Variants in HSPB6 observed in about 807,000 individuals in gnomAD.
HSPB6 encodes heat shock protein family B (small) member 6.
Under a neutral mutation model 10.7 loss-of-function variants are expected in HSPB6, and 8 were observed. That is an observed-to-expected ratio of 0.75 (90% confidence interval 0.44 to 1.35). The LOEUF (loss-of-function observed/expected upper bound fraction) is 1.35, where lower values mean the gene tolerates loss of function less well. Among genes scored for constraint, HSPB6 ranks in the 40% most tolerant of loss-of-function variants. The pLI, the probability that HSPB6 is intolerant of heterozygous loss-of-function variation, is 0.00. For missense variants in HSPB6, 232 were observed against 236.0 expected, an observed-to-expected ratio of 0.98 and a Z score of 0.11; for synonymous variants, 128 against 114.2, an observed-to-expected ratio of 1.12 and a Z score of -0.77.
At chr19:35,755,940 GCTCCAGGACCCACCC>G in intron 1 of HSPB6, 46 bp from the exon 2 acceptor site, 1 of 1,538,056 alleles carries the variant, frequency 6.5e-7, no homozygotes, top group Non-Finnish European at 8.8e-7. Flanking sequence ...GCTGGGCCAG[GCTCCAGGACCCACCC>G]AGGGAGACCC....
In HSPB6 at chr19:35,756,832, G is replaced by A. The variant is rs1005618052; in HGVS notation, c.177C>T (p.Ser59=). The A allele has an allele frequency of 5.2e-6, 8 of 1,536,628 alleles. No homozygotes were observed. The highest frequency in any genetic ancestry group is 7.0e-6 in the Non-Finnish European group (8 of 1,146,582). The stretch of plus-strand genomic sequence containing the variant: ...GCACCTGGGCGACGGGCAGCGCCAC[G>A]CTGGGTGCGCGCAGGTAGTAGGGGG... ...TLAPYYLRAP[S]VALPVAQVPT... The change falls in exon 1 of 3, where the codon AGC becomes AGT. Residue 59 remains serine (S), a synonymous_variant. Coordinates refer to ENST00000004982, the MANE Select transcript of HSPB6 (RefSeq NM_144617.3).
At chr19:35,756,773 T>C in intron 1 of HSPB6, 38 bp downstream of exon 1, 2 of 1,529,896 alleles carry the variant, frequency 1.3e-6, no homozygotes, top group South Asian at 2.4e-5. Flanking sequence ...CCCCTGGCAA[T>C]GGAAGTGGTC....
At chr19:35,756,208 T>TGCC (rs1970752281) in intron 1 of HSPB6, among the ~76,000 whole-genome samples, 1 of 151,760 alleles carries the variant, frequency 6.6e-6, no homozygotes, top group Non-Finnish European at 1.5e-5. Flanking sequence ...GGGCACTGAT[T>TGCC]CCCCAGCTCC....
Position 35,755,792 on chromosome 19 carries a change from C to G in HSPB6, c.301G>C (p.Ala101Pro). 1 of 1,592,006 alleles carries G rather than the reference C, an allele frequency of 6.3e-7. No individual in the cohort carries two copies. Among genetic ancestry groups the G allele is most frequent in the Non-Finnish European group, 8.5e-7 (1 of 1,170,664 alleles). Reference sequence around the variant, plus strand: ...CTCACCGGGCGCTCCTCGTGGCGCGCGTGCACCTCCACGTGTTCGCCCACC... The same window carrying G: ...CTCACCGGGCGCTCCTCGTGGCGCGGGTGCACCTCCACGTGTTCGCCCACC... ...KVVGEHVEVH[A>P]RHEERPDEHG... Residue 101 changes from alanine (A) to proline (P), a missense_variant, in exon 2 of 3, where the codon GCG (alanine) becomes CCG (proline). Physicochemically the swap from Ala to Pro is conservative, Grantham distance 27 (BLOSUM62 -1). Transcript: ENST00000004982.
intron 1 of HSPB6, 102 bp downstream of exon 1, chr19:35,756,709 C>A: frequency 2.4e-6 from 3 of 1,264,248 alleles, no homozygotes; most frequent in Non-Finnish European, 2.2e-6. Flanking sequence ...CTCTCCACCC[C>A]GCCCAAGGCC....
At position 35,755,682 on chromosome 19, in the gene HSPB6, T is replaced by C. The variant is rs1263686703; in HGVS notation, c.323A>G (p.Asp108Gly). 1 of 1,534,200 alleles carries C rather than the reference T, an allele frequency of 6.5e-7. No individual in the cohort carries two copies. Among genetic ancestry groups the C allele is most frequent in the Admixed American group, 2.0e-5 (1 of 50,322 alleles). ...CTCGCGCGCGACGAATCCGTGCTCATCCTGGAGGGGAGGGAGGCTTGAGCG... is the reference window on the plus strand; with the variant it reads ...CTCGCGCGCGACGAATCCGTGCTCACCCTGGAGGGGAGGGAGGCTTGAGCG... ...EVHARHEERP[D>G]EHGFVAREFH... is the part of the protein sequence containing the mutation. The change falls in exon 3 of 3, where the codon GAT becomes GGT. Residue 108 changes from aspartate to glycine, a missense_variant and splice_region_variant. Asp to Gly is a moderately conservative substitution (Grantham distance 94). Transcript: ENST00000004982.
Position 35,755,900 on chromosome 19 carries a change from C to G in HSPB6, c.199-6G>C, listed in dbSNP as rs759583067. On this transcript the variant is annotated splice_region_variant and splice_polypyrimidine_tract_variant and intron_variant, in intron 1 of 2. Coordinates refer to ENST00000004982, the MANE Select transcript of HSPB6 (RefSeq NM_144617.3). ...TGGCCGGGGTCCGTCGGCACCTGAG[C>G]GCAGCGGGCGCGGGCGGGACTGTCA... is the stretch of plus-strand genomic sequence containing the variant. The G allele has an allele frequency of 1.3e-6, 2 of 1,557,738 alleles. No homozygotes were observed. Among genetic ancestry groups the G allele is most frequent in the Non-Finnish European group, 1.7e-6 (2 of 1,152,218 alleles).
chr19:35,756,885 G>A lies in HSPB6; in HGVS notation c.124C>T (p.Leu42=), dbSNP rs1970769373. ...AGCGTGGTGGGGCAGAGCGCAGCCA[G>A]CTCGGCCTCCAGCAGCCCCTCGCCG... is the stretch of plus-strand genomic sequence containing the variant. ...RFGEGLLEAE[L]AALCPTTLAP... The change falls in exon 1 of 3, where the codon CTG becomes TTG. Residue 42 remains leucine, a synonymous_variant. Coordinates refer to ENST00000004982, the MANE Select transcript of HSPB6 (RefSeq NM_144617.3). 1.3e-6 allele frequency: 2 copies of A among 1,537,828 alleles called. No individual in the cohort carries two copies. Among genetic ancestry groups the A allele is most frequent in the Non-Finnish European group, 1.7e-6 (2 of 1,145,752 alleles).
Position 35,757,000 on chromosome 19 carries a change from G to A in HSPB6, c.9C>T (p.Ile3=), listed in dbSNP as rs554865322. ME[I]PVPVQPSWLR... is the part of the protein sequence containing the mutation. Reference sequence around the variant, plus strand: ...GCCAAGACGGCTGCACAGGCACAGGGATCTCCATCCTGCTCCTCCGCGTTG... The same window carrying A: ...GCCAAGACGGCTGCACAGGCACAGGAATCTCCATCCTGCTCCTCCGCGTTG... Residue 3 remains isoleucine (I), a synonymous_variant, in exon 1 of 3, where the codon ATC becomes ATT. Coordinates refer to ENST00000004982, the MANE Select transcript of HSPB6 (RefSeq NM_144617.3). 5 of 1,546,094 alleles carry A rather than the reference G, an allele frequency of 3.2e-6. No individual in the cohort carries two copies. The Admixed American group carries it at 5.9e-5, about 18-fold the overall frequency.
At position 35,754,607 on chromosome 19, in the gene HSPB6, GAA is replaced by G. The variant is rs1217499932; in HGVS notation, c.*913_*914del. Reference sequence around the variant, plus strand: ...ACATTTATTGGGAGAGTAAGCCTGGGAAAGACTAAGGGAGTGGTGGCAGGGAG... The same window carrying G: ...ACATTTATTGGGAGAGTAAGCCTGGGAGACTAAGGGAGTGGTGGCAGGGAG... On this transcript the variant is annotated 3_prime_UTR_variant, in exon 3 of 3. Coordinates refer to ENST00000004982, the MANE Select transcript of HSPB6 (RefSeq NM_144617.3). 1.2e-6 allele frequency: 1 copy of G among 826,086 alleles called. No homozygotes were observed. The highest frequency in any genetic ancestry group is 2.1e-5 in the Admixed American group (1 of 48,594). 51.2% of individuals were successfully genotyped at this position (826,086 alleles called of 1,614,324 possible). A position where few individuals can be genotyped will look rare whatever the true frequency, so the allele number is the denominator to read the frequency against.
chr19:35,756,648 T>C (rs1376227059), intron 1 of HSPB6, among the ~76,000 whole-genome samples, 163 bp downstream of exon 1: 1 of 151,256 alleles, frequency 6.6e-6, no homozygotes, highest in Non-Finnish European at 1.5e-5. Flanking sequence ...CCCGCTGCAG[T>C]GTGCGGGCCT....
chr19:35,755,542 G>A lies in HSPB6; in HGVS notation c.463C>T (p.Pro155Ser). 2.6e-6 allele frequency: 4 copies of A among 1,519,182 alleles called. No homozygotes were observed. Among genetic ancestry groups the A allele is most frequent in the South Asian group, 1.2e-5 (1 of 82,370 alleles). 94.1% of individuals were successfully genotyped at this position (1,519,182 alleles called of 1,614,324 possible). A position where few individuals can be genotyped will look rare whatever the true frequency, so the allele number is the denominator to read the frequency against. The change falls in exon 3 of 3, where the codon CCG (proline) becomes TCG (serine). Residue 155 changes from proline to serine, a missense_variant. Coordinates refer to ENST00000004982, the MANE Select transcript of HSPB6 (RefSeq NM_144617.3). ...CCCTCCTACTTGGCTGCGGCTGGCG[G>A]TGGGGCCTGGGCCGACGCTGGTGCG... is the stretch of plus-strand genomic sequence containing the variant. ...QAAPASAQAP[P>S]PAAAK is the part of the protein sequence containing the mutation.
intron 1 of HSPB6, 45 bp downstream of exon 1, chr19:35,756,766 C>T (rs994019348): frequency 1.3e-6 from 2 of 1,527,130 alleles, no homozygotes; most frequent in Admixed American, 2.0e-5. Flanking sequence ...CCCCAGACCC[C>T]TGGCAATGGA....
rs1241035963 is a variant in HSPB6 at position 35,755,696 on chromosome 19, G to T, written c.322-13C>A. 1 of 1,531,702 alleles carries T rather than the reference G, an allele frequency of 6.5e-7. No homozygotes were observed. Among genetic ancestry groups the T allele is most frequent in the Non-Finnish European group, 8.8e-7 (1 of 1,140,844 alleles). The allele number at this position is 1,531,702 out of a possible 1,614,324, so 94.9% of individuals were successfully genotyped here. ...ATCCGTGCTCATCCTGGAGGGGAGG[G>T]AGGCTTGAGCGGCCCCGCCCCTCCG... On this transcript the variant is annotated splice_polypyrimidine_tract_variant and intron_variant, in intron 2 of 2. Coordinates refer to ENST00000004982, the MANE Select transcript of HSPB6 (RefSeq NM_144617.3).
rs1599738944 is a variant in HSPB6, at chr19:35,755,567, G to C, written c.438C>G (p.Ala146=). ...GTGGGGCCTGGGCCGACGCTGGTGCGGCCTGGATGGACAGGACGCCCTCGG... is the reference window on the plus strand; with the variant it reads ...GTGGGGCCTGGGCCGACGCTGGTGCCGCCTGGATGGACAGGACGCCCTCGG... ...LSPEGVLSIQ[A]APASAQAPPP... Residue 146 remains alanine, a synonymous_variant, in exon 3 of 3, where the codon GCC becomes GCG. Coordinates refer to ENST00000004982, the MANE Select transcript of HSPB6 (RefSeq NM_144617.3). 1.3e-6 allele frequency: 2 copies of C among 1,530,100 alleles called. No homozygotes were observed. Among genetic ancestry groups the C allele is most frequent in the East Asian group, 5.0e-5 (2 of 40,300 alleles). The allele number at this position is 1,530,100 out of a possible 1,614,324, so 94.8% of individuals were successfully genotyped here. A position where few individuals can be genotyped will look rare whatever the true frequency, so the allele number is the denominator to read the frequency against.
In HSPB6 at chr19:35,755,591, G is replaced by C; in HGVS notation, c.414C>G (p.Pro138=). Residue 138 remains proline (P), a synonymous_variant, in exon 3 of 3, where the codon CCC becomes CCG. Coordinates refer to ENST00000004982, the MANE Select transcript of HSPB6 (RefSeq NM_144617.3). ...DPAAVTSALS[P]EGVLSIQAAP... is the part of the protein sequence containing the mutation. ...CGGCCTGGATGGACAGGACGCCCTC[G>C]GGGGACAGCGCGGACGTCACGGCAG... 6.6e-7 allele frequency: 1 copy of C among 1,522,592 alleles called. No individual in the cohort carries two copies. Among genetic ancestry groups the C allele is most frequent in the Non-Finnish European group, 8.8e-7 (1 of 1,138,840 alleles). 94.3% of individuals were successfully genotyped at this position (1,522,592 alleles called of 1,614,324 possible).
rs62109459 is a variant in HSPB6 at position 35,756,909 on chromosome 19, C to G, written c.100G>C (p.Gly34Arg). 6.5e-7 allele frequency: 1 copy of G among 1,540,130 alleles called. No homozygotes were observed. The highest frequency in any genetic ancestry group is 1.4e-5 in the African/African-American group (1 of 72,936). ...AGCTCGGCCTCCAGCAGCCCCTCGC[C>G]GAAGCGCTGGTCAAAGAGGCGTCCG... ...APGRLFDQRFGEGLLEAELAA... is the reference protein window; with the variant it reads ...APGRLFDQRFREGLLEAELAA... Residue 34 changes from glycine (G) to arginine (R), a missense_variant, in exon 1 of 3, where the codon GGC (glycine) becomes CGC (arginine). Physicochemically the swap from Gly to Arg is moderately radical, Grantham distance 125. Coordinates refer to ENST00000004982, the MANE Select transcript of HSPB6 (RefSeq NM_144617.3).
chr19:35,754,748 A>C lies in HSPB6; in HGVS notation c.*774T>G. 2.4e-5 allele frequency: 11 copies of C among 452,642 alleles called. No individual in the cohort carries two copies. The highest frequency in any genetic ancestry group is 2.3e-5 in the African/African-American group (1 of 42,582). The allele number at this position is 452,642 out of a possible 1,614,324, so 28.0% of individuals were successfully genotyped here. A position where few individuals can be genotyped will look rare whatever the true frequency, so the allele number is the denominator to read the frequency against. On this transcript the variant is annotated 3_prime_UTR_variant, in exon 3 of 3. Coordinates refer to ENST00000004982, the MANE Select transcript of HSPB6 (RefSeq NM_144617.3). ...GTTGAAGACTTGGGGGTCAAGACAAAGGGACTTAGGGGGATGGGGTCTGGT... is the reference window on the plus strand; with the variant it reads ...GTTGAAGACTTGGGGGTCAAGACAACGGGACTTAGGGGGATGGGGTCTGGT...
rs1970732739 is a variant in HSPB6, at chr19:35,754,814, G to C, written c.*708C>G. The C allele has an allele frequency of 2.4e-6, 1 of 413,548 alleles. No individual in the cohort carries two copies. The highest frequency in any genetic ancestry group is 2.0e-5 in the African/African-American group (1 of 49,194). 25.6% of individuals were successfully genotyped at this position (413,548 alleles called of 1,614,324 possible). A position where few individuals can be genotyped will look rare whatever the true frequency, so the allele number is the denominator to read the frequency against. ...GGCCTAGGACATCCGTGCAGAGTCT[G>C]GGGAGGTTGGGGTGGGAGAGTCTGT... is the stretch of plus-strand genomic sequence containing the variant. On this transcript the variant is annotated 3_prime_UTR_variant, in exon 3 of 3. Coordinates refer to ENST00000004982, the MANE Select transcript of HSPB6 (RefSeq NM_144617.3).
Sources: allele counts gnomAD v4.1 joint callset (sites outside exome capture counted in the v4.1 genomes callset), GRCh38; gene constraint gnomAD v4.1.1; transcripts MANE v1.5; gene names NCBI Gene and HGNC (gene_info 2026-07-23, HGNC 2026-07-21).